The following DCTN4 variants were observed in gnomAD, a reference collection of about 807,000 sequenced individuals.
DCTN4 encodes dynactin 4 (p62).
DCTN4 carries 23 observed loss-of-function variants against 62.7 expected under a neutral mutation model. That is an observed-to-expected ratio of 0.37 (90% CI 0.26 to 0.52). The LOEUF is 0.52. Ranked by LOEUF, DCTN4 falls within the 20% of genes least tolerant of loss-of-function variation. The pLI is 0.92. For synonymous variants in DCTN4, 199 were observed against 202.1 expected, an observed-to-expected ratio of 0.98 and a Z score of 0.13; for missense variants, 514 against 580.4, an observed-to-expected ratio of 0.89 and a Z score of 1.18.
intron 3 of DCTN4, among the ~76,000 whole-genome samples, chr5:150,745,537 G>A (rs1472122246): frequency 2.0e-5 from 3 of 152,070 alleles, no homozygotes; most frequent in Non-Finnish European, 4.4e-5. Flanking sequence ...CCACATAGTT[G>A]GAAGTAAAGC....
Position 150,729,042 on chromosome 5 carries a change from CTTTTTTTTTTTTTTTT to C in DCTN4, c.834+1573_834+1588del, listed in dbSNP as rs61106544. Among the ~76,000 whole-genome samples, 98 of 52,150 alleles carry C rather than the reference CTTTTTTTTTTTTTTTT, an allele frequency of 1.9e-3. 1 individual carries two copies. The highest frequency in any genetic ancestry group is 6.0e-3 in the African/African-American group (79 of 13,136). The allele number at this position is 52,150 out of a possible 152,430, so 34.2% of individuals were successfully genotyped here. The stretch of plus-strand genomic sequence containing the variant: ...ACAAGTGTGTGAACCACCACACTGG[CTTTTTTTTTTTTTTTT>C]TTTTTTTTTTTTTTTTGGTAGAGAC... On this transcript the variant is annotated intron_variant, in intron 8 of 12. Transcript: ENST00000447998.
chr5:150,727,224 C>T (rs1760178878), intron 8 of DCTN4, among the ~76,000 whole-genome samples: 1 of 152,082 alleles, frequency 6.6e-6, no homozygotes, highest in Non-Finnish European at 1.5e-5. Context: ...TTGTATCAGG[C>T]AATTATCAAC....
At chr5:150,757,650 T>C (rs1020052262) in intron 1 of DCTN4, among the ~76,000 whole-genome samples, 2 of 152,156 alleles carry the variant, frequency 1.3e-5, no homozygotes, top group Non-Finnish European at 2.9e-5. Flanking sequence ...AAAGTGCTAA[T>C]GGAGATGAGA....
intron 5 of DCTN4, 180 bp from the exon 6 acceptor site, chr5:150,731,669 AAAT>A: frequency 1.6e-6 from 1 of 639,282 alleles, no homozygotes; most frequent in South Asian, 2.0e-5. Flanking sequence ...TCTATTCTTA[AAAT>A]AATAACAGCA....
chr5:150,750,977 A>G (rs932242373), intron 3 of DCTN4, among the ~76,000 whole-genome samples: 8 of 152,220 alleles, frequency 5.3e-5, no homozygotes, highest in African/African-American at 1.9e-4. Context: ...AATGGCAGAA[A>G]TAACACTTTA....
intron 12 of DCTN4, among the ~76,000 whole-genome samples, chr5:150,712,046 T>C (rs779445665): frequency 5.9e-5 from 9 of 152,220 alleles, no homozygotes; most frequent in Admixed American, 1.3e-4. Context: ...TTATAAACAA[T>C]GGTGCTGCAA....
intron 12 of DCTN4, among the ~76,000 whole-genome samples, chr5:150,715,161 G>T (rs1389438878): frequency 6.6e-6 from 1 of 151,892 alleles, no homozygotes; most frequent in Non-Finnish European, 1.5e-5. Context: ...TCCTCCAAGG[G>T]GGTGGGGGTG....
intron 1 of DCTN4, chr5:150,758,364 G>T: frequency 1.0e-6 from 1 of 986,348 alleles, no homozygotes; most frequent in Non-Finnish European, 1.2e-6. Flanking sequence ...ACCTCTTCCC[G>T]GCTGCAGGCC....
At chr5:150,724,597 A>C (rs1053774389) in intron 8 of DCTN4, among the ~76,000 whole-genome samples, 26 of 152,318 alleles carry the variant, frequency 1.7e-4, no homozygotes, top group African/African-American at 6.3e-4. Context: ...AATGTTCCTG[A>C]AATTAACTTC....
At chr5:150,750,005 A>G (rs1350465118) in intron 3 of DCTN4, among the ~76,000 whole-genome samples, 1 of 152,214 alleles carries the variant, frequency 6.6e-6, no homozygotes, top group Non-Finnish European at 1.5e-5. Flanking sequence ...CTCCAATTAC[A>G]TACACTTCTA....
At chr5:150,719,980 T>C (rs1185958299) in intron 9 of DCTN4, among the ~76,000 whole-genome samples, 2 of 152,216 alleles carry the variant, frequency 1.3e-5, no homozygotes, top group Non-Finnish European at 2.9e-5. Flanking sequence ...ATCTTACGTA[T>C]ATTTCTAGTT....
rs774179395 is a variant in DCTN4, at chr5:150,758,684, T to G, written c.135+175A>C. On this transcript the variant is annotated intron_variant, in intron 1 of 12. Transcript: ENST00000447998. The stretch of plus-strand genomic sequence containing the variant: ...TCCGCTCAGTCCCACCCGAGGCTGC[T>G]CCTCCTTTCCAAGTGACAGATTAGA... The G allele has an allele frequency of 1.3e-4, 172 of 1,303,970 alleles. 1 individual carries two copies. The highest frequency in any genetic ancestry group is 1.3e-4 in the Non-Finnish European group (121 of 959,832). 80.8% of individuals were successfully genotyped at this position (1,303,970 alleles called of 1,614,324 possible). A position where few individuals can be genotyped will look rare whatever the true frequency, so the allele number is the denominator to read the frequency against.
intron 5 of DCTN4, 129 bp downstream of exon 5, chr5:150,733,239 C>T: frequency 1.7e-6 from 1 of 590,856 alleles, no homozygotes; most frequent in Non-Finnish European, 2.9e-6. Flanking sequence ...ACTTAAACGT[C>T]TATAATTTGA....
rs547909303 is a variant in DCTN4, at chr5:150,747,146, C to T, written c.386-4989G>A. 3.6e-3 allele frequency among the ~76,000 whole-genome samples: 545 copies of T among 152,202 alleles called. 4 individuals are homozygous for T. The highest frequency in any genetic ancestry group is 0.013 in the African/African-American group (522 of 41,510). ...CACAAGCATTCTTATACACCAATAA[C>T]AGACAAACAGAGAGCCAAATCATGA... On this transcript the variant is annotated intron_variant, in intron 3 of 12. Transcript: ENST00000447998.
At chr5:150,720,571 C>A (rs1759922528) in intron 9 of DCTN4, among the ~76,000 whole-genome samples, 1 of 151,892 alleles carries the variant, frequency 6.6e-6, no homozygotes, top group Admixed American at 6.6e-5. Context: ...CTCGACCCCC[C>A]AGGCTCAAGT....
At chr5:150,752,127 A>G (rs1752697851) in intron 3 of DCTN4, among the ~76,000 whole-genome samples, 1 of 152,214 alleles carries the variant, frequency 6.6e-6, no homozygotes, top group East Asian at 1.9e-4. Flanking sequence ...TAGTGATGCT[A>G]CTACTTATAT....
At chr5:150,754,939 G>A (rs893330387) in intron 2 of DCTN4, among the ~76,000 whole-genome samples, 2 of 151,218 alleles carry the variant, frequency 1.3e-5, no homozygotes, top group African/African-American at 4.9e-5. Context: ...CTTCAACCTA[G>A]GCGCCAAAGT....
At chr5:150,722,328 T>C (rs1759983691) in intron 9 of DCTN4, among the ~76,000 whole-genome samples, 1 of 152,196 alleles carries the variant, frequency 6.6e-6, no homozygotes, top group Non-Finnish European at 1.5e-5. Context: ...TGATGAGATA[T>C]GAAAAGTTTA....
At chr5:150,718,897 C>T (rs2151472078) in intron 10 of DCTN4, among the ~76,000 whole-genome samples, 1 of 152,280 alleles carries the variant, frequency 6.6e-6, no homozygotes, top group Admixed American at 6.5e-5. Flanking sequence ...TGGCTCACTG[C>T]AGCCTCAACC....
Sources: allele counts gnomAD v4.1 joint callset (sites outside exome capture counted in the v4.1 genomes callset), GRCh38; gene constraint gnomAD v4.1.1; transcripts MANE v1.5; gene names NCBI Gene and HGNC (gene_info 2026-07-23, HGNC 2026-07-21).